The following CHN2 variants were observed in gnomAD, a reference collection of about 807,000 sequenced individuals.
CHN2 encodes chimerin 2, also known as beta-chimaerin.
In CHN2, 35 loss-of-function variants were observed where a neutral mutation model predicts 56.3. The ratio of observed to expected loss-of-function variants is 0.62; its 90% confidence interval spans 0.47 to 0.82. The LOEUF (loss-of-function observed/expected upper bound fraction) is 0.82, where lower values mean the gene tolerates loss of function less well. Among genes scored for constraint, CHN2 ranks in the 40% least tolerant of loss-of-function variants. CHN2 has a pLI of 0.00. For synonymous variants in CHN2, 210 were observed against 212.8 expected (o/e 0.99, Z 0.12); for missense variants, 491 against 580.5 (o/e 0.85, Z 1.58).
At chr7:29,156,194 G>A (rs913759058) in intron 2 of CHN2, among the ~76,000 whole-genome samples, 2 of 152,118 alleles carry the variant, frequency 1.3e-5, no homozygotes, top group African/African-American at 4.8e-5. Context: ...CACTGGACTC[G>A]TCTGGTTTTG....
chr7:29,443,359 G>A (rs1783808829), intron 6 of CHN2, among the ~76,000 whole-genome samples: 1 of 152,224 alleles, frequency 6.6e-6, no homozygotes, highest in African/African-American at 2.4e-5. Flanking sequence ...ATATATGACA[G>A]CATAGCCTAG....
At chr7:29,280,281 G>T (rs895473978) in intron 1 of CHN2, among the ~76,000 whole-genome samples, 5 of 152,206 alleles carry the variant, frequency 3.3e-5, no homozygotes, top group South Asian at 4.2e-4. Flanking sequence ...CTACTCGGGA[G>T]GCTGAGGCAG....
At chr7:29,196,803 G>C (rs938642143) in intron 1 of CHN2, among the ~76,000 whole-genome samples, 2 of 152,236 alleles carry the variant, frequency 1.3e-5, no homozygotes, top group Admixed American at 1.3e-4. Context: ...ATGAGATTTA[G>C]ATGATGGTAA....
chr7:29,320,724 C>A (rs1166827409), intron 1 of CHN2, among the ~76,000 whole-genome samples: 2 of 152,212 alleles, frequency 1.3e-5, no homozygotes, highest in Non-Finnish European at 2.9e-5. Flanking sequence ...TCTGTCCTTG[C>A]ATGCTTTCTT....
chr7:29,498,785 CAG>C (rs1789602313), intron 8 of CHN2, among the ~76,000 whole-genome samples: 2 of 89,664 alleles, frequency 2.2e-5, no homozygotes, highest in Admixed American at 1.6e-4. Context: ...TTTTTGGAGA[CAG>C]AGTCTCCCTC....
chr7:29,239,725 T>C (rs1329801824), intron 1 of CHN2, among the ~76,000 whole-genome samples: 2 of 152,150 alleles, frequency 1.3e-5, no homozygotes, highest in Non-Finnish European at 2.9e-5. Flanking sequence ...GCTTGGATTC[T>C]CTTGCTGAGC....
rs73306842 is a variant in CHN2 at position 29,410,584 on chromosome 7, C to T, written c.576+9756C>T. Among the ~76,000 whole-genome samples the T allele has an allele frequency of 4.2e-3, 637 of 152,040 alleles. 4 individuals are homozygous for T. Among genetic ancestry groups the T allele is most frequent in the African/African-American group, 0.015 (609 of 41,472 alleles). On this transcript the variant is annotated intron_variant, in intron 6 of 12. Coordinates refer to ENST00000222792, the MANE Select transcript of CHN2 (RefSeq NM_004067.4). The stretch of plus-strand genomic sequence containing the variant: ...ACTCTTGTTTGAGGAGTCTTAGCCC[C>T]TCACCTAAATTGGGTATTTTGTTGA...
At position 29,247,997 on chromosome 7, in the gene CHN2, C is replaced by T. The variant is rs530943770; in HGVS notation, c.49+53007C>T. On this transcript the variant is annotated intron_variant, in intron 1 of 12. Transcript: ENST00000222792. ...GTGATGCCAGAGTAGGCCAGTCCACCATGTCTGTAAGAGCAGAGCTCAGAG... is the reference window on the plus strand; with the variant it reads ...GTGATGCCAGAGTAGGCCAGTCCACTATGTCTGTAAGAGCAGAGCTCAGAG... 7.2e-5 allele frequency among the ~76,000 whole-genome samples: 11 copies of T among 152,354 alleles called. No individual in the cohort carries two copies. In the South Asian group the frequency reaches 2.3e-3, roughly 32 times the overall value.
chr7:29,431,053 GAGA>G (rs1585368926), intron 6 of CHN2, among the ~76,000 whole-genome samples: 2 of 152,138 alleles, frequency 1.3e-5, no homozygotes, highest in African/African-American at 4.8e-5. Flanking sequence ...CTGGGGGGCA[GAGA>G]ATCTGCCCCC....
At chr7:29,398,508 G>C (rs752185055) in intron 5 of CHN2, 22 bp downstream of exon 5, 15 of 1,469,334 alleles carry the variant, frequency 1.0e-5, no homozygotes, top group Non-Finnish European at 1.0e-5. Context: ...TTCATTCCTT[G>C]TTTTCATTGC....
chr7:29,346,089 G>A (rs568153290), intron 1 of CHN2, among the ~76,000 whole-genome samples: 13 of 152,230 alleles, frequency 8.5e-5, no homozygotes, highest in Non-Finnish European at 2.9e-5. Context: ...ACCAGCATTA[G>A]CAAGCAAGGT....
At chr7:29,279,932 C>G (rs959875346) in intron 1 of CHN2, among the ~76,000 whole-genome samples, 2 of 152,116 alleles carry the variant, frequency 1.3e-5, no homozygotes, top group African/African-American at 4.8e-5. Context: ...AGAAAAGAAG[C>G]AGGGGTCCTA....
chr7:29,434,218 C>G (rs1200775625), intron 6 of CHN2, among the ~76,000 whole-genome samples: 1 of 152,174 alleles, frequency 6.6e-6, no homozygotes, highest in Non-Finnish European at 1.5e-5. Flanking sequence ...CAACTAGATG[C>G]TGCTAATGTG....
chr7:29,293,960 G>A (rs979942040), intron 1 of CHN2, among the ~76,000 whole-genome samples: 1 of 143,112 alleles, frequency 7.0e-6, no homozygotes, highest in African/African-American at 2.7e-5. Flanking sequence ...TCCGCCTCCC[G>A]GGTTCACGCC....
chr7:29,472,056 G>C (rs1786099994), intron 6 of CHN2, among the ~76,000 whole-genome samples: 1 of 152,120 alleles, frequency 6.6e-6, no homozygotes, highest in Non-Finnish European at 1.5e-5. Context: ...AAAGTACATA[G>C]GATCAAGCAG....
chr7:29,180,660 TTA>T (rs1282246463), intron 2 of CHN2, among the ~76,000 whole-genome samples: 1 of 152,044 alleles, frequency 6.6e-6, no homozygotes, highest in Admixed American at 6.5e-5. Context: ...CAATTAAAAG[TTA>T]TTATAATTAC....
chr7:29,415,012 C>T (rs1385200645), intron 6 of CHN2, among the ~76,000 whole-genome samples: 1 of 152,136 alleles, frequency 6.6e-6, no homozygotes, highest in Admixed American at 6.5e-5. Flanking sequence ...CTGAGCACAC[C>T]CCACCGGCGT....
intron 1 of CHN2, among the ~76,000 whole-genome samples, chr7:29,235,054 A>G (rs1026793979): frequency 5.5e-4 from 84 of 152,340 alleles, no homozygotes; most frequent in African/African-American, 1.9e-3. Context: ...GATGCCAATG[A>G]TAGAGAAACT....
intron 1 of CHN2, among the ~76,000 whole-genome samples, chr7:29,264,032 G>T (rs1158048168): frequency 2.0e-5 from 3 of 149,868 alleles, no homozygotes; most frequent in African/African-American, 4.9e-5. Flanking sequence ...GGCCCCGGGT[G>T]GGGGGTGGGG....
Sources: gnomAD v4.1 joint callset for allele counts (sites outside exome capture counted in the v4.1 genomes callset) on GRCh38, gnomAD v4.1.1 for gene constraint, MANE v1.5 for transcripts, NCBI Gene and HGNC (gene_info 2026-07-23, HGNC 2026-07-21) for gene names.